ZIM2: variants seen among roughly 807,000 people sequenced by gnomAD.
The protein encoded by ZIM2 is zinc finger protein 656.
A neutral mutation model predicts 38.6 loss-of-function variants in ZIM2; 14 were observed. That is an observed-to-expected ratio of 0.36 (90% CI 0.24 to 0.57). The LOEUF is 0.57. ZIM2 is among the 20% of genes least tolerant of loss of function. ZIM2 has a pLI of 0.81. For missense variants in ZIM2, 680 were observed against 695.1 expected (o/e 0.98, Z 0.24); for synonymous variants, 247 against 245.8 (o/e 1.00, Z -0.04).
In ZIM2 at chr19:56,789,966, G is replaced by A; in HGVS notation, c.491-15C>T. 1 of 1,520,182 alleles carries A rather than the reference G, an allele frequency of 6.6e-7. No homozygotes were observed. Among genetic ancestry groups the A allele is most frequent in the South Asian group, 1.3e-5 (1 of 75,980 alleles). 94.2% of individuals were successfully genotyped at this position (1,520,182 alleles called of 1,614,324 possible). A position where few individuals can be genotyped will look rare whatever the true frequency, so the allele number is the denominator to read the frequency against. The stretch of plus-strand genomic sequence containing the variant: ...AGCAAGGAAACCTAGAAGGGAGAGA[G>A]GAATACCATGGAATTGAGTCCTGTC... On this transcript the variant is annotated splice_polypyrimidine_tract_variant and intron_variant, in intron 9 of 12. Transcript: ENST00000629319.
intron 2 of ZIM2, among the ~76,000 whole-genome samples, chr19:56,827,681 T>C (rs568085997): frequency 3.9e-5 from 6 of 152,336 alleles, no homozygotes; most frequent in African/African-American, 9.6e-5. Context: ...TGCAAGAATA[T>C]ATTCATTGAA....
chr19:56,838,301 C>A (rs2062434231), intron 1 of ZIM2, among the ~76,000 whole-genome samples: 1 of 152,208 alleles, frequency 6.6e-6, no homozygotes, highest in African/African-American at 2.4e-5. Context: ...CTCATGCCCG[C>A]CCCTGGGGCC....
chr19:56,822,932 C>T (rs1413889520), intron 5 of ZIM2, 96 bp from the exon 6 acceptor site: 3 of 1,484,974 alleles, frequency 2.0e-6, no homozygotes, highest in Non-Finnish European at 2.7e-6. Flanking sequence ...GAGATGCTAC[C>T]CTCTTCCCAC....
intron 1 of ZIM2, among the ~76,000 whole-genome samples, chr19:56,839,963 G>A (rs1164054450): frequency 2.6e-5 from 4 of 152,236 alleles, no homozygotes; most frequent in Admixed American, 1.3e-4. Flanking sequence ...CCGAGAGGGC[G>A]GGGAAAGAAA....
intron 10 of ZIM2, among the ~76,000 whole-genome samples, chr19:56,783,749 TACTC>T (rs754181967): frequency 2.0e-5 from 3 of 152,274 alleles, no homozygotes; most frequent in East Asian, 3.9e-4. Flanking sequence ...TGAGGTGACA[TACTC>T]ATTCATGCTC....
intron 9 of ZIM2, among the ~76,000 whole-genome samples, chr19:56,795,314 C>A (rs2047144097): frequency 6.6e-6 from 1 of 152,194 alleles, no homozygotes; most frequent in Non-Finnish European, 1.5e-5. Context: ...CCAGTAGGGC[C>A]CGCCGCGGAG....
At chr19:56,815,079 G>A (rs2059847776) in intron 9 of ZIM2, 8 of 1,613,896 alleles carry the variant, frequency 5.0e-6, no homozygotes, top group Non-Finnish European at 6.8e-6. Flanking sequence ...GGTCTGTGAG[G>A]TCTGTGAGAT....
At chr19:56,823,020 G>A (rs1287850809) in intron 5 of ZIM2, among the ~76,000 whole-genome samples, 184 bp from the exon 6 acceptor site, 2 of 152,168 alleles carry the variant, frequency 1.3e-5, no homozygotes, top group African/African-American at 2.4e-5. Context: ...CCCGCAACAT[G>A]GTTTCTGCAG....
At chr19:56,813,445 G>A (rs2059680386) in intron 9 of ZIM2, 11 of 1,367,374 alleles carry the variant, frequency 8.0e-6, no homozygotes, top group Non-Finnish European at 9.4e-6. Flanking sequence ...GGTAAGATGT[G>A]TGCTATGGCT....
At chr19:56,834,556 G>T (rs2061888074) in intron 2 of ZIM2, among the ~76,000 whole-genome samples, 1 of 152,150 alleles carries the variant, frequency 6.6e-6, no homozygotes, top group Admixed American at 6.5e-5. Flanking sequence ...CAGAATTGTG[G>T]GAACAGGAAC....
intron 12 of ZIM2, among the ~76,000 whole-genome samples, chr19:56,778,395 C>A (rs1390992140): frequency 6.6e-6 from 1 of 152,198 alleles, no homozygotes; most frequent in Non-Finnish European, 1.5e-5. Flanking sequence ...CTCACACAGA[C>A]AAACGTGGAG....
chr19:56,794,853 G>T (rs2047113684), intron 9 of ZIM2, among the ~76,000 whole-genome samples: 1 of 152,124 alleles, frequency 6.6e-6, no homozygotes, highest in Non-Finnish European at 1.5e-5. Context: ...TTATGTAACT[G>T]GTTCTGCCAA....
Position 56,775,414 on chromosome 19 carries a change from A to T in ZIM2, c.951T>A (p.Asp317Glu), listed in dbSNP as rs754071264. The change falls in exon 13 of 13, where the codon GAT (aspartate) becomes GAA (glutamate). Residue 317 changes from aspartate (D) to glutamate (E), a missense_variant. Transcript: ENST00000629319. ...TLTPERSYGS[D>E]EFERSSNLSK... ...TAAGATTAGAGCTTCTCTCAAATTC[A>T]TCACTGCCATAGCTTCTTTCCGGAG... 13 of 1,614,030 alleles carry T rather than the reference A, an allele frequency of 8.1e-6. No homozygotes were observed. Among genetic ancestry groups the T allele is most frequent in the Non-Finnish European group, 1.1e-5 (13 of 1,180,028 alleles).
intron 2 of ZIM2, among the ~76,000 whole-genome samples, chr19:56,828,391 T>A (rs1321039493): frequency 6.6e-6 from 1 of 152,170 alleles, no homozygotes; most frequent in Non-Finnish European, 1.5e-5. Flanking sequence ...CCATCCCCTA[T>A]CTTGGCAATT....
At chr19:56,812,818 T>TAAAA in intron 9 of ZIM2, 9 of 869,338 alleles carry the variant, frequency 1.0e-5, no homozygotes, top group Non-Finnish European at 1.2e-5. Context: ...TTGAGTTGGT[T>TAAAA]AAAAAAAAAA....
rs751451269 is a variant in ZIM2 at position 56,775,420 on chromosome 19, G to C, written c.945C>G (p.Gly315=). ...TAGAGCTTCTCTCAAATTCATCACT[G>C]CCATAGCTTCTTTCCGGAGTGAGGG... ...PKTLTPERSY[G]SDEFERSSNL... Residue 315 remains glycine, a synonymous_variant, in exon 13 of 13, where the codon GGC becomes GGG. Transcript: ENST00000629319. The C allele has an allele frequency of 1.2e-5, 20 of 1,613,936 alleles. No individual in the cohort carries two copies. The Admixed American group carries it at 2.7e-4, about 22-fold the overall frequency.
At chr19:56,818,471 A>G (rs2060187706) in intron 8 of ZIM2, 129 bp downstream of exon 8, 1 of 1,021,232 alleles carries the variant, frequency 9.8e-7, no homozygotes, top group African/African-American at 1.6e-5. Flanking sequence ...GAAATCTTTC[A>G]AAGATTTCTT....
chr19:56,785,561 A>G (rs950767177), intron 10 of ZIM2, among the ~76,000 whole-genome samples: 6 of 152,152 alleles, frequency 3.9e-5, no homozygotes, highest in African/African-American at 1.4e-4. Context: ...AAACCTCATA[A>G]CAGTATCATG....
intron 9 of ZIM2, among the ~76,000 whole-genome samples, chr19:56,795,446 C>T (rs1265114685): frequency 1.3e-5 from 2 of 152,248 alleles, no homozygotes; most frequent in Non-Finnish European, 2.9e-5. Flanking sequence ...GCTATCCTAC[C>T]CCGGGCCCAG....
Sources: allele counts gnomAD v4.1 joint callset (sites outside exome capture counted in the v4.1 genomes callset), GRCh38; gene constraint gnomAD v4.1.1; transcripts MANE v1.5; gene names NCBI Gene and HGNC (gene_info 2026-07-23, HGNC 2026-07-21).